Variants in KLHL32 observed in about 807,000 individuals in gnomAD.
The protein encoded by KLHL32 is kelch like family member 32, also known as kelch-like protein 32.
A neutral mutation model predicts 64.8 loss-of-function variants in KLHL32; 35 were observed. That is an observed-to-expected ratio of 0.54 (90% CI 0.41 to 0.72). The LOEUF is 0.72. Ranked by LOEUF, KLHL32 falls within the 30% of genes least tolerant of loss-of-function variation. The pLI is 0.00. For synonymous variants in KLHL32, 259 were observed against 281.0 expected (o/e 0.92, Z 0.78); for missense variants, 589 against 768.5 (o/e 0.77, Z 2.76).
At chr6:97,113,283 T>G (rs562754763) in intron 6 of KLHL32, among the ~76,000 whole-genome samples, 2 of 152,312 alleles carry the variant, frequency 1.3e-5, no homozygotes, top group East Asian at 3.9e-4. Context: ...AGTGTTATGT[T>G]GACTTTCTCT....
chr6:97,120,952 C>T (rs1562359899), intron 7 of KLHL32, among the ~76,000 whole-genome samples: 1 of 152,090 alleles, frequency 6.6e-6, no homozygotes, highest in African/African-American at 2.4e-5. Context: ...TAGTATTGAA[C>T]TGAGGTGGAA....
At chr6:97,111,428 G>A (rs1044648449) in intron 6 of KLHL32, among the ~76,000 whole-genome samples, 4 of 152,234 alleles carry the variant, frequency 2.6e-5, no homozygotes, top group South Asian at 2.1e-4. Context: ...CTAGCCAGCC[G>A]CTTCAGTGCC....
chr6:96,994,191 T>G (rs1244868323), intron 3 of KLHL32, among the ~76,000 whole-genome samples: 2 of 152,194 alleles, frequency 1.3e-5, no homozygotes. Flanking sequence ...TAAACTAGAA[T>G]ATTTGTTTTC....
At chr6:97,006,660 T>G (rs997152423) in intron 3 of KLHL32, among the ~76,000 whole-genome samples, 4 of 152,236 alleles carry the variant, frequency 2.6e-5, no homozygotes, top group Non-Finnish European at 5.9e-5. Flanking sequence ...AGCACTCTTT[T>G]AAGGACTTCT....
chr6:96,956,859 T>A (rs1773338661), intron 1 of KLHL32, among the ~76,000 whole-genome samples: 1 of 152,238 alleles, frequency 6.6e-6, no homozygotes, highest in Admixed American at 6.5e-5. Context: ...TTCTTGCAGA[T>A]GTAAGAAGCA....
chr6:97,118,354 C>T (rs1798013969), intron 7 of KLHL32, among the ~76,000 whole-genome samples: 1 of 152,152 alleles, frequency 6.6e-6, no homozygotes, highest in Admixed American at 6.5e-5. Flanking sequence ...TGCAGTGGCT[C>T]ACGCCAGTAA....
At chr6:97,077,967 G>A (rs547319209) in intron 5 of KLHL32, among the ~76,000 whole-genome samples, 115 of 152,268 alleles carry the variant, frequency 7.6e-4, no homozygotes, top group African/African-American at 2.7e-3. Flanking sequence ...TTAGTGACAA[G>A]CTTATGTGTA....
At chr6:96,906,413 G>A in the KLHL32 span, among the ~76,000 whole-genome samples, 1 of 152,164 alleles carries the variant, frequency 6.6e-6, no homozygotes, top group African/African-American at 2.4e-5. Flanking sequence ...GTCATTGCAG[G>A]TCAGGTGGTG....
At chr6:96,959,994 C>G (rs1773710164) in intron 1 of KLHL32, among the ~76,000 whole-genome samples, 1 of 152,112 alleles carries the variant, frequency 6.6e-6, no homozygotes. Flanking sequence ...AGGGTATGGG[C>G]TCTGTTGGAT....
At chr6:97,088,213 A>T (rs950088485) in intron 6 of KLHL32, among the ~76,000 whole-genome samples, 4 of 152,310 alleles carry the variant, frequency 2.6e-5, no homozygotes, top group Non-Finnish European at 5.9e-5. Flanking sequence ...TTGTTTTTTT[A>T]AAATTTAGTT....
At chr6:97,029,885 C>T (rs1783282333) in intron 3 of KLHL32, among the ~76,000 whole-genome samples, 1 of 152,190 alleles carries the variant, frequency 6.6e-6, no homozygotes. Flanking sequence ...TGTAATGCCT[C>T]ATGGCCATTG....
chr6:96,916,220 C>A, the KLHL32 span, among the ~76,000 whole-genome samples: 1 of 152,168 alleles, frequency 6.6e-6, no homozygotes, highest in Non-Finnish European at 1.5e-5. Flanking sequence ...GAACACTCGG[C>A]AGTCTATGAG....
At chr6:97,010,507 GTT>G (rs1304333748) in intron 3 of KLHL32, among the ~76,000 whole-genome samples, 3 of 152,152 alleles carry the variant, frequency 2.0e-5, no homozygotes, top group Non-Finnish European at 4.4e-5. Flanking sequence ...ATAGTGCATT[GTT>G]CCCCTTAACT....
intron 3 of KLHL32, among the ~76,000 whole-genome samples, chr6:97,012,310 GAAGA>G (rs1029652656): frequency 2.6e-5 from 4 of 152,206 alleles, no homozygotes; most frequent in African/African-American, 9.7e-5. Context: ...CCTAAAGATA[GAAGA>G]AAGAGTCAGC....
intron 3 of KLHL32, among the ~76,000 whole-genome samples, chr6:97,000,588 G>T (rs1204388646): frequency 1.3e-5 from 2 of 152,156 alleles, no homozygotes; most frequent in Non-Finnish European, 2.9e-5. Context: ...TCCTTGTGAG[G>T]TAATAAATAT....
At chr6:97,053,612 G>A (rs886473594) in intron 4 of KLHL32, among the ~76,000 whole-genome samples, 7 of 151,920 alleles carry the variant, frequency 4.6e-5, no homozygotes, top group Admixed American at 2.6e-4. Context: ...TTCTTCGGAT[G>A]CCCATTTTCT....
intron 1 of KLHL32, among the ~76,000 whole-genome samples, chr6:96,951,473 G>C (rs146093196): frequency 1.7e-4 from 26 of 152,272 alleles, no homozygotes; most frequent in Non-Finnish European, 3.4e-4. Flanking sequence ...GCTGGGCCAT[G>C]TGGGGCATGT....
intron 5 of KLHL32, among the ~76,000 whole-genome samples, chr6:97,069,672 T>C (rs548732763): frequency 4.6e-5 from 7 of 152,148 alleles, no homozygotes; most frequent in African/African-American, 1.7e-4. Context: ...GAGTTCATTA[T>C]GTACTGAGGG....
At chr6:97,114,694 C>T (rs1401490827) in intron 7 of KLHL32, 185 bp downstream of exon 7, 18 of 648,686 alleles carry the variant, frequency 2.8e-5, no homozygotes, top group Non-Finnish European at 4.5e-5. Flanking sequence ...AATAATATGC[C>T]TTTCTGTGAC....
Sources: allele counts gnomAD v4.1 joint callset (sites outside exome capture counted in the v4.1 genomes callset), GRCh38; gene constraint gnomAD v4.1.1; transcripts MANE v1.5; gene names NCBI Gene and HGNC (gene_info 2026-07-23, HGNC 2026-07-21).